The following SMOC1 variants were observed in gnomAD, a reference collection of about 807,000 sequenced individuals.
SMOC1 encodes SPARC-related modular calcium-binding protein 1.
Under a neutral mutation model 56.3 loss-of-function variants are expected in SMOC1, and 22 were observed. That is an observed-to-expected ratio of 0.39 (90% CI 0.28 to 0.56). SMOC1 has a LOEUF of 0.56. SMOC1 is among the 20% of genes least tolerant of loss of function. The pLI, the probability that SMOC1 is intolerant of heterozygous loss-of-function variation, is 0.61. For missense variants in SMOC1, 509 were observed against 565.4 expected (o/e 0.90, Z 1.01); for synonymous variants, 193 against 215.0 (o/e 0.90, Z 0.89).
rs1243968577 is a variant in SMOC1 at position 69,990,229 on chromosome 14, T to A, written c.527-2188T>A. On this transcript the variant is annotated intron_variant, in intron 5 of 11. Coordinates refer to ENST00000361956, the MANE Select transcript of SMOC1 (RefSeq NM_001034852.3). ...CTTCTTTGCTGATGGCTGGGCCCGATGGGCAGTCCAAGATTTTCATCTGGA... is the reference window on the plus strand; with the variant it reads ...CTTCTTTGCTGATGGCTGGGCCCGAAGGGCAGTCCAAGATTTTCATCTGGA... Among the ~76,000 whole-genome samples the A allele has an allele frequency of 5.3e-5, 8 of 152,318 alleles. No individual in the cohort carries two copies. In the East Asian group the frequency reaches 1.5e-3, roughly 29 times the overall value.
At chr14:70,025,256 C>T (rs944973809) in intron 11 of SMOC1, among the ~76,000 whole-genome samples, 1 of 152,096 alleles carries the variant, frequency 6.6e-6, no homozygotes, top group Non-Finnish European at 1.5e-5. Context: ...CTGAGATTTC[C>T]TAAGGAGAGA....
At chr14:69,968,165 G>A (rs534143705) in intron 3 of SMOC1, among the ~76,000 whole-genome samples, 1 of 152,336 alleles carries the variant, frequency 6.6e-6, no homozygotes, top group East Asian at 1.9e-4. Context: ...TGTTTCTTGA[G>A]TATTTCATGA....
At chr14:69,984,549 T>C (rs1884294160) in intron 5 of SMOC1, among the ~76,000 whole-genome samples, 1 of 152,028 alleles carries the variant, frequency 6.6e-6, no homozygotes, top group African/African-American at 2.4e-5. Flanking sequence ...AACAGTTTAA[T>C]TAGAAAATGG....
At chr14:70,027,821 G>T (rs74061027) in intron 11 of SMOC1, among the ~76,000 whole-genome samples, 3 of 152,218 alleles carry the variant, frequency 2.0e-5, no homozygotes, top group Non-Finnish European at 2.9e-5. Context: ...AGGCACAAAA[G>T]AAATTGGTAG....
At chr14:70,018,762 C>T (rs925337660) in intron 10 of SMOC1, among the ~76,000 whole-genome samples, 3 of 152,230 alleles carry the variant, frequency 2.0e-5, no homozygotes, top group South Asian at 4.1e-4. Context: ...TGGCCCTTCA[C>T]GTGGTCCCCT....
intron 1 of SMOC1, among the ~76,000 whole-genome samples, chr14:69,893,591 T>C (rs1055633953): frequency 2.6e-5 from 4 of 152,182 alleles, no homozygotes; most frequent in Non-Finnish European, 5.9e-5. Flanking sequence ...GTTTTTTGGA[T>C]GTAACTATAG....
intron 1 of SMOC1, among the ~76,000 whole-genome samples, chr14:69,913,119 C>A (rs935312933): frequency 6.6e-6 from 1 of 152,168 alleles, no homozygotes; most frequent in Non-Finnish European, 1.5e-5. Flanking sequence ...AGTGTGGGGG[C>A]AAACAGCTCT....
chr14:70,011,789 A>C (rs1220719010), intron 9 of SMOC1, among the ~76,000 whole-genome samples: 1 of 152,222 alleles, frequency 6.6e-6, no homozygotes, highest in Non-Finnish European at 1.5e-5. Context: ...TAATGCAGTC[A>C]TCGGGTTAAA....
At chr14:69,989,626 G>GGA (rs1175555402) in intron 5 of SMOC1, among the ~76,000 whole-genome samples, 1 of 152,202 alleles carries the variant, frequency 6.6e-6, no homozygotes, top group Non-Finnish European at 1.5e-5. Context: ...AGAAGTAAAA[G>GGA]GAGGGGCTCA....
chr14:70,010,625 A>T, intron 7 of SMOC1, 129 bp from the exon 8 acceptor site: 1 of 953,036 alleles, frequency 1.0e-6, no homozygotes, highest in Non-Finnish European at 1.7e-6. Flanking sequence ...GTAATTCATC[A>T]ATGGGGCAGC....
intron 3 of SMOC1, among the ~76,000 whole-genome samples, chr14:69,962,343 A>G (rs1241662612): frequency 6.6e-6 from 1 of 151,746 alleles, no homozygotes; most frequent in Non-Finnish European, 1.5e-5. Context: ...TTGTATTTTT[A>G]TATTAGAGAT....
chr14:69,994,207 T>A (rs1594844492), intron 6 of SMOC1, 193 bp from the exon 7 acceptor site: 1 of 682,376 alleles, frequency 1.5e-6, no homozygotes, highest in Admixed American at 2.1e-5. Context: ...CCTGATCGGC[T>A]CTTATGAGCT....
At chr14:70,023,626 C>T (rs895478324) in intron 11 of SMOC1, among the ~76,000 whole-genome samples, 179 bp downstream of exon 11, 1 of 152,088 alleles carries the variant, frequency 6.6e-6, no homozygotes, top group Non-Finnish European at 1.5e-5. Context: ...TGATAAGGTC[C>T]CTATCCTTGC....
chr14:69,923,081 A>C (rs1218064228), intron 1 of SMOC1, among the ~76,000 whole-genome samples: 1 of 152,048 alleles, frequency 6.6e-6, no homozygotes, highest in South Asian at 2.1e-4. Flanking sequence ...AGTAGCTGGG[A>C]CTACAGGCAC....
intron 7 of SMOC1, among the ~76,000 whole-genome samples, chr14:70,009,688 G>A (rs1885265555): frequency 6.6e-6 from 1 of 152,170 alleles, no homozygotes; most frequent in Non-Finnish European, 1.5e-5. Flanking sequence ...TAATAGTACA[G>A]GTTTATGATG....
chr14:69,998,687 A>G (rs2139558689), intron 7 of SMOC1, among the ~76,000 whole-genome samples: 1 of 152,230 alleles, frequency 6.6e-6, no homozygotes, highest in East Asian at 1.9e-4. Flanking sequence ...GGCAAGTATA[A>G]TCTCTCAGGA....
intron 1 of SMOC1, among the ~76,000 whole-genome samples, chr14:69,942,554 A>G (rs1294622580): frequency 6.6e-6 from 1 of 152,196 alleles, no homozygotes; most frequent in Non-Finnish European, 1.5e-5. Flanking sequence ...GCCCACAAAC[A>G]TGTTCTCCTG....
chr14:70,031,706 G>C lies in SMOC1; in HGVS notation c.*1448G>C, dbSNP rs538933648. ...GCTGCCCAGCCTTCTGGTCTGAGGC[G>C]CAGCTCCCTCTGCCCAGGTGCTGTG... On this transcript the variant is annotated 3_prime_UTR_variant, in exon 12 of 12. Transcript: ENST00000361956. The C allele has an allele frequency of 6.6e-6, 1 of 152,238 alleles. No individual in the cohort carries two copies. Among genetic ancestry groups the C allele is most frequent in the Non-Finnish European group, 1.5e-5 (1 of 68,076 alleles). The allele number at this position is 152,238 out of a possible 1,614,324, so 9.4% of individuals were successfully genotyped here. A position where few individuals can be genotyped will look rare whatever the true frequency, so the allele number is the denominator to read the frequency against.
In SMOC1 at chr14:69,907,081, C is replaced by T. The variant is rs114696912; in HGVS notation, c.99+27304C>T. Among the ~76,000 whole-genome samples the T allele has an allele frequency of 3.6e-3, 541 of 152,178 alleles. 4 individuals are homozygous for T. The highest frequency in any genetic ancestry group is 0.011 in the African/African-American group (472 of 41,506). ...TTTCTGAGAAAATGTTCTTGAACAA[C>T]CTCTGGTGTAGAGGGAAGGAGGTTT... On this transcript the variant is annotated intron_variant, in intron 1 of 11. Transcript: ENST00000361956.
Sources: gnomAD v4.1 joint callset for allele counts (sites outside exome capture counted in the v4.1 genomes callset) on GRCh38, gnomAD v4.1.1 for gene constraint, MANE v1.5 for transcripts, NCBI Gene and HGNC (gene_info 2026-07-23, HGNC 2026-07-21) for gene names.